The following ZMAT3 variants were observed in gnomAD, a reference collection of about 807,000 sequenced individuals.
ZMAT3 encodes the protein zinc finger matrin-type protein 3.
ZMAT3 carries 17 observed loss-of-function variants against 32.3 expected under a neutral mutation model. The observed-to-expected ratio is 0.53, with a 90% confidence interval of 0.36 to 0.79. The LOEUF (loss-of-function observed/expected upper bound fraction) is 0.79. Ranked by LOEUF, ZMAT3 falls within the 30% of genes least tolerant of loss-of-function variation. The probability of loss-of-function intolerance (pLI) is 0.00; values close to 1 mark genes in which losing one functional copy is unlikely to be tolerated. For synonymous variants in ZMAT3, 120 were observed against 133.1 expected (o/e 0.90, Z 0.68); for missense variants, 329 against 359.7 (o/e 0.91, Z 0.69).
intron 3 of ZMAT3, among the ~76,000 whole-genome samples, chr3:179,030,416 G>A (rs1719116963): frequency 6.7e-6 from 1 of 148,410 alleles, no homozygotes; most frequent in Admixed American, 6.8e-5. Flanking sequence ...GTGCAGTGGT[G>A]CAATCTCAGC....
intron 3 of ZMAT3, among the ~76,000 whole-genome samples, chr3:179,029,157 C>T (rs1179615864): frequency 6.8e-6 from 1 of 147,790 alleles, no homozygotes; most frequent in African/African-American, 2.5e-5. Flanking sequence ...AAAACTCCAT[C>T]TCAAAAAAAA....
chr3:179,032,457 C>T (rs1200541034), intron 2 of ZMAT3, among the ~76,000 whole-genome samples: 1 of 151,776 alleles, frequency 6.6e-6, no homozygotes, highest in African/African-American at 2.4e-5. Flanking sequence ...CTCTGCCTGG[C>T]CGCCCATCGT....
At chr3:179,042,553 AG>A (rs1720005999) in intron 2 of ZMAT3, among the ~76,000 whole-genome samples, 1 of 152,248 alleles carries the variant, frequency 6.6e-6, no homozygotes, top group Non-Finnish European at 1.5e-5. Context: ...TCAATAAATT[AG>A]GTATTGATGG....
rs1055593860 is a variant in ZMAT3 at position 179,020,724 on chromosome 3, C to T, written c.*4293G>A. On this transcript the variant is annotated 3_prime_UTR_variant, in exon 6 of 6. Transcript: ENST00000311417. ...GGTTCCAAAACCACCCTTCCTAGCC[C>T]TCCCTGTAGAAAATACCATGTTGCA... 3.9e-5 allele frequency: 6 copies of T among 152,184 alleles called. No individual in the cohort carries two copies. The highest frequency in any genetic ancestry group is 5.9e-5 in the Non-Finnish European group (4 of 68,040). 9.4% of individuals were successfully genotyped at this position (152,184 alleles called of 1,614,324 possible).
chr3:179,053,182 T>C (rs1015141789), intron 2 of ZMAT3, among the ~76,000 whole-genome samples: 2 of 150,804 alleles, frequency 1.3e-5, no homozygotes, highest in African/African-American at 4.9e-5. Context: ...TAGGTATAGA[T>C]ATAGAATATC....
intron 2 of ZMAT3, among the ~76,000 whole-genome samples, chr3:179,040,662 G>A (rs1442670302): frequency 6.6e-6 from 1 of 152,136 alleles, no homozygotes; most frequent in Middle Eastern, 3.2e-3. Context: ...TGAAAAAACT[G>A]CATCAATTAA....
intron 2 of ZMAT3, among the ~76,000 whole-genome samples, chr3:179,066,661 C>T (rs78484092): frequency 0.035 from 5,331 of 152,230 alleles, 325 homozygotes; most frequent in African/African-American, 0.12. Flanking sequence ...GATTATCTCC[C>T]AGGTCTCTTT....
intron 1 of ZMAT3, among the ~76,000 whole-genome samples, chr3:179,069,611 T>C (rs1721604693): frequency 6.6e-6 from 1 of 152,142 alleles, no homozygotes; most frequent in South Asian, 2.1e-4. Flanking sequence ...TTTTGAAAAG[T>C]TAAAGTCTAT....
At chr3:179,043,268 A>T (rs1235648207) in intron 2 of ZMAT3, among the ~76,000 whole-genome samples, 1 of 152,230 alleles carries the variant, frequency 6.6e-6, no homozygotes, top group Non-Finnish European at 1.5e-5. Context: ...CATTGCCAAG[A>T]CAATCCTAAG....
rs1440121166 is a variant in ZMAT3 at position 179,046,736 on chromosome 3, T to A, written c.271-15737A>T. ...TGGGTGAGGCCTGTAACAGCCAGCT[T>A]TCCCCCAATTCCCTGGTGACCTGTG... is the stretch of plus-strand genomic sequence containing the variant. On this transcript the variant is annotated intron_variant, in intron 2 of 5. Transcript: ENST00000311417. The surrounding 1 kb of genome is among the most constrained non-coding windows in gnomAD (Gnocchi z 4.3). Among the ~76,000 whole-genome samples the A allele has an allele frequency of 6.6e-6, 1 of 152,124 alleles. No homozygotes were observed. Among genetic ancestry groups the A allele is most frequent in the African/African-American group, 2.4e-5 (1 of 41,424 alleles).
At chr3:179,031,075 A>T (rs1011565783) in intron 2 of ZMAT3, 76 bp from the exon 3 acceptor site, 4 of 1,325,424 alleles carry the variant, frequency 3.0e-6, no homozygotes, top group Middle Eastern at 3.9e-4. Context: ...GCTATGGTCA[A>T]CTGTGGTCCA....
At position 179,027,677 on chromosome 3, in the gene ZMAT3, G is replaced by T. The variant is rs139328684; in HGVS notation, c.526C>A (p.Arg176=). 8 of 1,614,014 alleles carry T rather than the reference G, an allele frequency of 5.0e-6. No individual in the cohort carries two copies. The African/African-American group carries it at 9.3e-5, about 19-fold the overall frequency. ...YQGKNHAKRL[R]LAEAQSNSFS... ...GAGTTACTCTGAGCTTCCGCCAGCCGCAGCCTCTTGGCATGATTCTTCCCT... is the reference window on the plus strand; with the variant it reads ...GAGTTACTCTGAGCTTCCGCCAGCCTCAGCCTCTTGGCATGATTCTTCCCT... Residue 176 remains arginine, a synonymous_variant, in exon 4 of 6, where the codon CGG becomes AGG. Coordinates refer to ENST00000311417, the MANE Select transcript of ZMAT3 (RefSeq NM_022470.4).
At chr3:179,043,901 T>C (rs1720086325) in intron 2 of ZMAT3, among the ~76,000 whole-genome samples, 1 of 152,022 alleles carries the variant, frequency 6.6e-6, no homozygotes, top group Non-Finnish European at 1.5e-5. Context: ...CATCAAAAAG[T>C]GGGCAAAGGA....
intron 2 of ZMAT3, among the ~76,000 whole-genome samples, chr3:179,032,916 G>A (rs973831960): frequency 2.8e-5 from 4 of 145,354 alleles, no homozygotes; most frequent in East Asian, 2.2e-4. Flanking sequence ...GTGGGGGGGC[G>A]TCTCTGCCCG....
chr3:179,027,684 C>A lies in ZMAT3; in HGVS notation c.519G>T (p.Lys173Asn), dbSNP rs1390188968. Reference protein sequence around the residue: ...QAHYQGKNHAKRLRLAEAQSN... With the variant: ...QAHYQGKNHANRLRLAEAQSN... ...TCTGAGCTTCCGCCAGCCGCAGCCT[C>A]TTGGCATGATTCTTCCCTTGATAGT... The change falls in exon 4 of 6, where the codon AAG becomes AAT. Residue 173 changes from lysine (K) to asparagine (N), a missense_variant. Transcript: ENST00000311417. 1 of 1,614,206 alleles carries A rather than the reference C, an allele frequency of 6.2e-7. No individual in the cohort carries two copies.
chr3:179,053,059 C>T (rs1158908485), intron 2 of ZMAT3, among the ~76,000 whole-genome samples: 4 of 151,878 alleles, frequency 2.6e-5, no homozygotes, highest in Admixed American at 6.6e-5. Context: ...GCCCAGGAGG[C>T]GGAGGTTGCA....
chr3:179,033,009 G>A (rs1056136584), intron 2 of ZMAT3, among the ~76,000 whole-genome samples: 5 of 152,240 alleles, frequency 3.3e-5, no homozygotes, highest in African/African-American at 1.2e-4. Context: ...CATTGAGAAC[G>A]GGCCACGATG....
At chr3:179,027,621 C>A (rs1560083501) in intron 4 of ZMAT3, 25 bp downstream of exon 4, 1 of 1,613,968 alleles carries the variant, frequency 6.2e-7, no homozygotes, top group Non-Finnish European at 8.5e-7. Context: ...AACACTTTGG[C>A]CTCAGAGAAA....
rs1021111260 is a variant in ZMAT3 at position 179,018,583 on chromosome 3, T to C, written c.*6434A>G. On this transcript the variant is annotated 3_prime_UTR_variant, in exon 6 of 6. Transcript: ENST00000311417. ...GAATCTGGAACATTTCAATTCTGAT[T>C]CAATTCTACCCATTGAATCTTCATG... The C allele has an allele frequency of 6.6e-6, 1 of 152,180 alleles. No individual in the cohort carries two copies. The highest frequency in any genetic ancestry group is 2.4e-5 in the African/African-American group (1 of 41,458). The allele number at this position is 152,180 out of a possible 1,614,324, so 9.4% of individuals were successfully genotyped here.
Sources: gnomAD v4.1 joint callset for allele counts (sites outside exome capture counted in the v4.1 genomes callset) on GRCh38, gnomAD v4.1.1 for gene constraint, Gnocchi (gnomAD v3.1) non-coding constraint, MANE v1.5 for transcripts, NCBI Gene and HGNC (gene_info 2026-07-23, HGNC 2026-07-21) for gene names.